SCARF2: variants seen among roughly 807,000 people sequenced by gnomAD.
SCARF2 encodes scavenger receptor expressed by endothelial cells 2 protein.
Under a neutral mutation model 73.4 loss-of-function variants are expected in SCARF2, and 39 were observed. The ratio of observed to expected loss-of-function variants is 0.53; its 90% confidence interval spans 0.41 to 0.69. The LOEUF (loss-of-function observed/expected upper bound fraction) is 0.69, where lower values mean the gene tolerates loss of function less well. SCARF2 is among the 30% of genes least tolerant of loss of function. The probability of loss-of-function intolerance (pLI) is 0.00; values close to 1 mark genes in which losing one functional copy is unlikely to be tolerated. For missense variants in SCARF2, 1,148 were observed against 1,303.5 expected, an observed-to-expected ratio of 0.88 and a Z score of 1.84; for synonymous variants, 605 against 590.0, an observed-to-expected ratio of 1.03 and a Z score of -0.37.
At chr22:20,434,706 G>A (rs979154922) in intron 1 of SCARF2, among the ~76,000 whole-genome samples, 9 of 152,206 alleles carry the variant, frequency 5.9e-5, no homozygotes, top group African/African-American at 2.2e-4. Flanking sequence ...GCTGGGCCCA[G>A]GCCCCTCAGC....
At chr22:20,432,946 A>C (rs1465055822) in intron 1 of SCARF2, among the ~76,000 whole-genome samples, 1 of 152,140 alleles carries the variant, frequency 6.6e-6, no homozygotes, top group Non-Finnish European at 1.5e-5. Flanking sequence ...TTGAACTCTG[A>C]CCTCAGGTGA....
chr22:20,437,645 A>G lies in SCARF2; in HGVS notation c.110T>C (p.Leu37Pro), dbSNP rs1398551676. ...SLLLLLLLWM[L>P]PDTVAPQELN... ...TTCCTGAGGCGCCACGGTGTCCGGC[A>G]GCATCCAGAGCAGCAGCAGCAGCAG... is the stretch of plus-strand genomic sequence containing the variant. The change falls in exon 1 of 11, where the codon CTG (leucine) becomes CCG (proline). Residue 37 changes from leucine (L) to proline (P), a missense_variant. By Grantham distance (98) the Leu-to-Pro change is moderately conservative (BLOSUM62 -3). Coordinates refer to ENST00000622235, the MANE Select transcript of SCARF2 (RefSeq NM_182895.5). 4 of 1,549,750 alleles carry G rather than the reference A, an allele frequency of 2.6e-6. No homozygotes were observed. Among genetic ancestry groups the G allele is most frequent in the Admixed American group, 1.8e-5 (1 of 54,068 alleles).
intron 1 of SCARF2, 47 bp downstream of exon 1, chr22:20,437,535 C>A (rs2052714156): frequency 1.9e-6 from 3 of 1,541,294 alleles, no homozygotes; most frequent in Non-Finnish European, 1.7e-6. Context: ...CACACCACTG[C>A]CCAGAGCGTC....
chr22:20,430,305 C>T, intron 6 of SCARF2, 124 bp downstream of exon 6: 1 of 1,210,350 alleles, frequency 8.3e-7, no homozygotes, highest in Non-Finnish European at 1.1e-6. Flanking sequence ...CACTCCCTAG[C>T]TGGGGTAAGG....
In SCARF2 at chr22:20,431,613, C is replaced by T. The variant is rs2052648967; in HGVS notation, c.335-76G>A. 3.9e-6 allele frequency: 6 copies of T among 1,542,508 alleles called. No homozygotes were observed. The Admixed American group carries it at 7.9e-5, about 20-fold the overall frequency. ...CCCCCAGCCAGCCGGAACCTGCCCG[C>T]GTCCCGCACTCCAGCCGCCACCTCT... On this transcript the variant is annotated intron_variant, in intron 3 of 10. Coordinates refer to ENST00000622235, the MANE Select transcript of SCARF2 (RefSeq NM_182895.5).
chr22:20,429,743 A>G lies in SCARF2; in HGVS notation c.1293T>C (p.Gly431=). ...TCATCCACTTACCTAGGTGGCAGGC[A>G]CCAGTGACCGGGTCGCACGTGTCCT... ...CHEDTCDPVT[G]ACHLETNQRK... is the part of the protein sequence containing the mutation. Residue 431 remains glycine, a synonymous_variant, in exon 7 of 11, where the codon GGT becomes GGC. Coordinates refer to ENST00000622235, the MANE Select transcript of SCARF2 (RefSeq NM_182895.5). This position sits in a 1 kb window ranked among gnomAD's most constrained non-coding sequence, Gnocchi z 5.2. 1 of 1,613,778 alleles carries G rather than the reference A, an allele frequency of 6.2e-7. No individual in the cohort carries two copies. Among genetic ancestry groups the G allele is most frequent in the African/African-American group, 1.3e-5 (1 of 75,018 alleles).
chr22:20,434,823 C>T (rs2052682475), intron 1 of SCARF2, among the ~76,000 whole-genome samples: 1 of 152,206 alleles, frequency 6.6e-6, no homozygotes, highest in Non-Finnish European at 1.5e-5. Context: ...CCATACCTGT[C>T]CATGTTCTCC....
rs753831587 is a variant in SCARF2 at position 20,425,980 on chromosome 22, A to G, written c.1996T>C (p.Ser666Pro). The change falls in exon 11 of 11, where the codon TCC becomes CCC. Residue 666 changes from serine (S) to proline (P), a missense_variant. Transcript: ENST00000622235. This position sits in a 1 kb window ranked among gnomAD's most constrained non-coding sequence, Gnocchi z 4.6. ...GCGCTGTGCTTGCCGTGGATCCAGG[A>G]CACCTTAGGCTTGGTGGCGGGGTCA... The part of the protein sequence containing the change: ...PPDPATKPKV[S>P]WIHGKHSAAA... 6.3e-7 allele frequency: 1 copy of G among 1,592,692 alleles called. No individual in the cohort carries two copies. Among genetic ancestry groups the G allele is most frequent in the Non-Finnish European group, 8.5e-7 (1 of 1,174,664 alleles).
At position 20,426,302 on chromosome 22, in the gene SCARF2, G is replaced by A. The variant is rs2052578290; in HGVS notation, c.1694-20C>T. 3 of 1,532,416 alleles carry A rather than the reference G, an allele frequency of 2.0e-6. No individual in the cohort carries two copies. The highest frequency in any genetic ancestry group is 1.7e-6 in the Non-Finnish European group (2 of 1,146,132). 94.9% of individuals were successfully genotyped at this position (1,532,416 alleles called of 1,614,324 possible). ...GTGCCTCTGGCAAGGGAAGAGCAGG[G>A]CGGTCACAGCCTTCAGGAATACCTT... On this transcript the variant is annotated intron_variant, in intron 10 of 10. Coordinates refer to ENST00000622235, the MANE Select transcript of SCARF2 (RefSeq NM_182895.5).
At position 20,430,759 on chromosome 22, in the gene SCARF2, C is replaced by A; in HGVS notation, c.1004G>T (p.Arg335Leu). 1 of 1,607,694 alleles carries A rather than the reference C, an allele frequency of 6.2e-7. No individual in the cohort carries two copies. ...EGCSHRCPPCRDGHACNHVTG... is the reference protein window; with the variant it reads ...EGCSHRCPPCLDGHACNHVTG... ...GACATGGTTACAGGCATGCCCGTCG[C>A]GGCATGGCGGACAGCGGTGGCTGCA... Residue 335 changes from arginine to leucine, a missense_variant, in exon 5 of 11, where the codon CGC becomes CTC. Physicochemically the swap from Arg to Leu is moderately radical, Grantham distance 102. Around this residue, in one of 5 missense-constraint regions of SCARF2, gnomAD observed 372 missense variants for 532.0 expected, o/e 0.70. Transcript: ENST00000622235.
chr22:20,424,702 C>T lies in SCARF2; in HGVS notation c.*673G>A, dbSNP rs1276857037. ...CTGGGGGCCTATAAATACATCTCCT[C>T]AGGCCACTAGAGTCGCCCCTGGAGG... On this transcript the variant is annotated 3_prime_UTR_variant, in exon 11 of 11. Transcript: ENST00000622235. 1 of 152,416 alleles carries T rather than the reference C, an allele frequency of 6.6e-6. No homozygotes were observed. The highest frequency in any genetic ancestry group is 1.5e-5 in the Non-Finnish European group (1 of 68,148). 9.4% of individuals were successfully genotyped at this position (152,416 alleles called of 1,614,324 possible). A position where few individuals can be genotyped will look rare whatever the true frequency, so the allele number is the denominator to read the frequency against.
chr22:20,437,293 C>T (rs2052711003), intron 1 of SCARF2, among the ~76,000 whole-genome samples: 1 of 152,244 alleles, frequency 6.6e-6, no homozygotes, highest in South Asian at 2.1e-4. Context: ...GGTCAAGGGT[C>T]CCTTTTTCCA....
rs1321813695 is a variant in SCARF2 at position 20,425,442 on chromosome 22, T to C, written c.2534A>G (p.Lys845Arg). 1.4e-6 allele frequency: 2 copies of C among 1,426,592 alleles called. No individual in the cohort carries two copies. Among genetic ancestry groups the C allele is most frequent in the Non-Finnish European group, 1.8e-6 (2 of 1,087,920 alleles). 88.4% of individuals were successfully genotyped at this position (1,426,592 alleles called of 1,614,324 possible). ...ETPRKKTPIQ[K>R]PPRKKSREAA... ...CTCCCGGCTCTTCTTGCGCGGCGGC[T>C]TCTGGATGGGGGTCTTCTTCCGGGG... Residue 845 changes from lysine (K) to arginine (R), a missense_variant, in exon 11 of 11, where the codon AAG (lysine) becomes AGG (arginine). Coordinates refer to ENST00000622235, the MANE Select transcript of SCARF2 (RefSeq NM_182895.5). This position sits in a 1 kb window ranked among gnomAD's most constrained non-coding sequence, Gnocchi z 4.6.
In SCARF2 at chr22:20,429,349, G is replaced by A. The variant is rs2052615120; in HGVS notation, c.1425-9C>T. The A allele has an allele frequency of 5.0e-6, 8 of 1,607,542 alleles. No individual in the cohort carries two copies. The highest frequency in any genetic ancestry group is 5.9e-6 in the Non-Finnish European group (7 of 1,177,312). On this transcript the variant is annotated splice_polypyrimidine_tract_variant and intron_variant, in intron 8 of 10. Transcript: ENST00000622235. The surrounding 1 kb of genome is among the most constrained non-coding windows in gnomAD (Gnocchi z 5.2). Reference sequence around the variant, plus strand: ...TCCCAAGCGAAAGCTCCCTGCGGGGGCGGGGTCTGAGCGGAGGGGCGGGGC... The same window carrying A: ...TCCCAAGCGAAAGCTCCCTGCGGGGACGGGGTCTGAGCGGAGGGGCGGGGC...
chr22:20,426,369 C>A, intron 10 of SCARF2, 87 bp from the exon 11 acceptor site: 1 of 1,433,296 alleles, frequency 7.0e-7, no homozygotes. Context: ...ACCTTTCCTC[C>A]TCTACCCACG....
In SCARF2 at chr22:20,425,593, C is replaced by T. The variant is rs2052564290; in HGVS notation, c.2383G>A (p.Glu795Lys). ...GCTTTCTGTGGGGGCGCCGGCTTTT[C>T]CCTGGGGCCCTGCGCGCCCAGGGCC... ...EVALGAQGPR[E>K]KPAPPQKAKR... Residue 795 changes from glutamate (E) to lysine (K), a missense_variant, in exon 11 of 11, where the codon GAA becomes AAA. Glu to Lys is a moderately conservative substitution (Grantham distance 56). This residue lies in a region of SCARF2 where 169 missense variants were observed against 136.9 expected (regional missense o/e 1.23). Transcript: ENST00000622235. The surrounding 1 kb of genome is among the most constrained non-coding windows in gnomAD (Gnocchi z 4.6). 2.2e-6 allele frequency: 3 copies of T among 1,337,714 alleles called. No individual in the cohort carries two copies. Among genetic ancestry groups the T allele is most frequent in the Non-Finnish European group, 2.9e-6 (3 of 1,048,028 alleles). 82.9% of individuals were successfully genotyped at this position (1,337,714 alleles called of 1,614,324 possible). A position where few individuals can be genotyped will look rare whatever the true frequency, so the allele number is the denominator to read the frequency against.
Position 20,425,519 on chromosome 22 carries a change from G to C in SCARF2, c.2457C>G (p.Thr819=), listed in dbSNP as rs764576797. The C allele has an allele frequency of 7.4e-7, 1 of 1,349,914 alleles. No homozygotes were observed. Among genetic ancestry groups the C allele is most frequent in the South Asian group, 1.9e-5 (1 of 53,950 alleles). 83.6% of individuals were successfully genotyped at this position (1,349,914 alleles called of 1,614,324 possible). A position where few individuals can be genotyped will look rare whatever the true frequency, so the allele number is the denominator to read the frequency against. Residue 819 remains threonine (T), a synonymous_variant, in exon 11 of 11, where the codon ACC becomes ACG. Transcript: ENST00000622235. This position sits in a 1 kb window ranked among gnomAD's most constrained non-coding sequence, Gnocchi z 4.6. Reference sequence around the variant, plus strand: ...CCGCCTTCTCAGGCCCCGGGGTTTCGGTCGCTGGGGGCGCGCGGGCGGGCG... The same window carrying C: ...CCGCCTTCTCAGGCCCCGGGGTTTCCGTCGCTGGGGGCGCGCGGGCGGGCG... ...PASPARAPPA[T]ETPGPEKAAT... is the part of the protein sequence containing the mutation.
At chr22:20,426,927 A>G (rs75169814) in intron 10 of SCARF2, among the ~76,000 whole-genome samples, 21 of 126,778 alleles carry the variant, frequency 1.7e-4, no homozygotes, top group Non-Finnish European at 3.2e-4. Flanking sequence ...ACTCCGTCTC[A>G]AAAAAAAAAA....
chr22:20,426,821 G>A (rs1275933087), intron 10 of SCARF2, among the ~76,000 whole-genome samples: 2 of 152,136 alleles, frequency 1.3e-5, no homozygotes, highest in South Asian at 2.1e-4. Flanking sequence ...CAGCTACTCG[G>A]GAGGCTGAGG....
Sources: gnomAD v4.1 joint callset for allele counts (sites outside exome capture counted in the v4.1 genomes callset) on GRCh38, gnomAD v4.1.1 for gene constraint, gnomAD v4.1.1 regional missense constraint, Gnocchi (gnomAD v3.1) non-coding constraint, MANE v1.5 for transcripts, NCBI Gene and HGNC (gene_info 2026-07-23, HGNC 2026-07-21) for gene names.